The following ARHGAP24 variants were observed in gnomAD, a reference collection of about 807,000 sequenced individuals.
The protein encoded by ARHGAP24 is Rho GTPase activating protein 24.
In ARHGAP24, 50 loss-of-function variants were observed where a neutral mutation model predicts 76.4. That is an observed-to-expected ratio of 0.65 (90% CI 0.52 to 0.83). ARHGAP24 has a LOEUF of 0.83. ARHGAP24 is among the 40% of genes least tolerant of loss of function. ARHGAP24 has a pLI of 0.00. For synonymous variants in ARHGAP24, 345 were observed against 323.3 expected (o/e 1.07, Z -0.72); for missense variants, 930 against 914.2 (o/e 1.02, Z -0.22).
chr4:85,594,837 A>G (rs1041163740), intron 2 of ARHGAP24, among the ~76,000 whole-genome samples: 1 of 152,112 alleles, frequency 6.6e-6, no homozygotes, highest in Admixed American at 6.6e-5. Flanking sequence ...TTATCTAACT[A>G]CGTATGAGGT....
chr4:85,667,723 T>A (rs1722686227), intron 2 of ARHGAP24, among the ~76,000 whole-genome samples: 1 of 152,212 alleles, frequency 6.6e-6, no homozygotes, highest in South Asian at 2.1e-4. Context: ...TAAATGAATA[T>A]TTGTGTTTTT....
At chr4:85,702,916 G>A (rs1285497572) in intron 2 of ARHGAP24, among the ~76,000 whole-genome samples, 5 of 151,788 alleles carry the variant, frequency 3.3e-5, no homozygotes, top group African/African-American at 1.2e-4. Flanking sequence ...ACAGTGACAG[G>A]GAAGGCTCTT....
chr4:85,641,063 T>C (rs1721502360), intron 2 of ARHGAP24, among the ~76,000 whole-genome samples: 1 of 152,116 alleles, frequency 6.6e-6, no homozygotes, highest in East Asian at 1.9e-4. Flanking sequence ...TTCTTTAAGT[T>C]ATTAAAGAAA....
At chr4:85,860,276 T>C (rs1322311984) in intron 3 of ARHGAP24, among the ~76,000 whole-genome samples, 1 of 151,588 alleles carries the variant, frequency 6.6e-6, no homozygotes, top group Non-Finnish European at 1.5e-5. Context: ...GGGTGACTTG[T>C]TGAAATATGG....
chr4:85,995,728 C>A, intron 9 of ARHGAP24, 71 bp downstream of exon 9: 1 of 1,424,144 alleles, frequency 7.0e-7, no homozygotes, highest in Non-Finnish European at 9.8e-7. Flanking sequence ...CAGGATCACA[C>A]TGAGGGTGAC....
At chr4:85,574,226 A>G (rs1727268634) in intron 2 of ARHGAP24, among the ~76,000 whole-genome samples, 1 of 152,230 alleles carries the variant, frequency 6.6e-6, no homozygotes, top group Admixed American at 6.5e-5. Context: ...CTCAATAAAA[A>G]GAGTCAAATC....
chr4:85,605,481 T>C (rs973511988), intron 2 of ARHGAP24, among the ~76,000 whole-genome samples: 1 of 152,154 alleles, frequency 6.6e-6, no homozygotes, highest in Admixed American at 6.5e-5. Flanking sequence ...TGTTTATAAG[T>C]AAATAGGAAT....
intron 4 of ARHGAP24, among the ~76,000 whole-genome samples, chr4:85,937,075 C>T (rs1437025891): frequency 6.6e-6 from 1 of 152,142 alleles, no homozygotes; most frequent in Admixed American, 6.5e-5. Context: ...AGAGGTAAAG[C>T]AGAAGAGCGG....
At chr4:85,725,324 T>A (rs968122926) in intron 3 of ARHGAP24, among the ~76,000 whole-genome samples, 12 of 152,190 alleles carry the variant, frequency 7.9e-5, no homozygotes, top group Non-Finnish European at 1.5e-4. Flanking sequence ...GTGCATATAT[T>A]TACCAGGCTT....
intron 3 of ARHGAP24, among the ~76,000 whole-genome samples, chr4:85,845,107 A>G (rs1730806561): frequency 6.6e-6 from 1 of 152,192 alleles, no homozygotes; most frequent in Non-Finnish European, 1.5e-5. Context: ...CATAGACAAT[A>G]TGTTTTTTCT....
At chr4:85,946,019 A>G (rs2148827963) in intron 5 of ARHGAP24, among the ~76,000 whole-genome samples, 1 of 152,284 alleles carries the variant, frequency 6.6e-6, no homozygotes, top group East Asian at 1.9e-4. Context: ...GAAGGCAAGG[A>G]GGAGCAAGTC....
intron 2 of ARHGAP24, among the ~76,000 whole-genome samples, chr4:85,613,627 T>A (rs1009552326): frequency 6.6e-6 from 1 of 152,198 alleles, no homozygotes; most frequent in African/African-American, 2.4e-5. Flanking sequence ...AGTTTGTCCA[T>A]TTTTTGGGGA....
intron 1 of ARHGAP24, among the ~76,000 whole-genome samples, chr4:85,555,331 G>A (rs558862256): frequency 6.6e-6 from 1 of 152,268 alleles, no homozygotes; most frequent in South Asian, 2.1e-4. Context: ...GATGTTTTTG[G>A]AGGGTTGAGG....
chr4:85,943,197 A>C (rs1737050033), intron 5 of ARHGAP24, among the ~76,000 whole-genome samples: 1 of 152,140 alleles, frequency 6.6e-6, no homozygotes, highest in South Asian at 2.1e-4. Flanking sequence ...TCAGCATTGG[A>C]GTTTTTGGAT....
intron 1 of ARHGAP24, among the ~76,000 whole-genome samples, chr4:85,500,708 C>T (rs1006104877): frequency 6.6e-6 from 1 of 151,958 alleles, no homozygotes; most frequent in Non-Finnish European, 1.5e-5. Flanking sequence ...AATATGGGGA[C>T]TCATAAGACT....
At chr4:85,703,382 C>T (rs769084085) in intron 2 of ARHGAP24, among the ~76,000 whole-genome samples, 4 of 152,066 alleles carry the variant, frequency 2.6e-5, no homozygotes, top group African/African-American at 4.8e-5. Context: ...TACTGTTTTA[C>T]GTTGACTTGG....
intron 2 of ARHGAP24, among the ~76,000 whole-genome samples, chr4:85,644,827 C>A (rs1014009995): frequency 2.4e-4 from 37 of 151,954 alleles, no homozygotes; most frequent in Non-Finnish European, 1.5e-5. Context: ...AATTATATGA[C>A]AATTATATAT....
rs568008427 is a variant in ARHGAP24 at position 85,863,931 on chromosome 4, C to G, written c.269-59717C>G. Among the ~76,000 whole-genome samples, 27 of 152,180 alleles carry G rather than the reference C, an allele frequency of 1.8e-4. No homozygotes were observed. The South Asian group carries it at 4.6e-3, about 26-fold the overall frequency. On this transcript the variant is annotated intron_variant, in intron 3 of 9. Transcript: ENST00000395184. ...TGGCAAATGCCCCAAGTTTTATAGTCCAGTCTGAGGAGGCAGTGTCTGATT... is the reference window on the plus strand; with the variant it reads ...TGGCAAATGCCCCAAGTTTTATAGTGCAGTCTGAGGAGGCAGTGTCTGATT...
intron 1 of ARHGAP24, among the ~76,000 whole-genome samples, chr4:85,556,204 G>A (rs1726357742): frequency 6.6e-6 from 1 of 152,130 alleles, no homozygotes; most frequent in South Asian, 2.1e-4. Context: ...ACTGTGGTGT[G>A]CTAGAAGTAT....
Sources: gnomAD v4.1 joint callset for allele counts (sites outside exome capture counted in the v4.1 genomes callset) on GRCh38, gnomAD v4.1.1 for gene constraint, MANE v1.5 for transcripts, NCBI Gene and HGNC (gene_info 2026-07-23, HGNC 2026-07-21) for gene names.